The following CHKA variants were observed in gnomAD, a reference collection of about 807,000 sequenced individuals.
CHKA encodes the protein CHETK-alpha.
CHKA carries 34 observed loss-of-function variants against 60.1 expected under a neutral mutation model. The observed-to-expected ratio is 0.57, with a 90% CI of 0.43 to 0.75. The LOEUF (loss-of-function observed/expected upper bound fraction) is 0.75. Among genes scored for constraint, CHKA ranks in the 30% least tolerant of loss-of-function variants. The pLI, the probability that CHKA is intolerant of heterozygous loss-of-function variation, is 0.00. For missense variants in CHKA, 563 were observed against 561.3 expected (o/e 1.00, Z -0.03); for synonymous variants, 217 against 223.1 (o/e 0.97, Z 0.24).
intron 1 of CHKA, among the ~76,000 whole-genome samples, chr11:68,102,676 G>A (rs570835063): frequency 1.3e-5 from 2 of 151,946 alleles, no homozygotes; most frequent in South Asian, 4.2e-4. Flanking sequence ...CAAAAGCACA[G>A]GCAACACAAA....
chr11:68,071,607 A>G (rs1405405406), intron 4 of CHKA, among the ~76,000 whole-genome samples: 2 of 152,246 alleles, frequency 1.3e-5, no homozygotes, highest in African/African-American at 4.8e-5. Flanking sequence ...TTTCTGTGAA[A>G]ATGCAAAGAA....
chr11:68,106,033 C>T (rs573524715), intron 1 of CHKA, among the ~76,000 whole-genome samples: 3 of 152,020 alleles, frequency 2.0e-5, no homozygotes, highest in East Asian at 3.9e-4. Flanking sequence ...GAGAATACAG[C>T]GTAATATCAA....
intron 1 of CHKA, among the ~76,000 whole-genome samples, chr11:68,105,416 G>A (rs949850824): frequency 2.0e-5 from 3 of 148,702 alleles, no homozygotes; most frequent in South Asian, 2.1e-4. Context: ...TCAGGAGGCT[G>A]AGGCAAGAGA....
chr11:68,072,550 TAAA>T (rs10708078), intron 4 of CHKA, among the ~76,000 whole-genome samples: 52 of 112,700 alleles, frequency 4.6e-4, no homozygotes, highest in Admixed American at 5.7e-4. Context: ...GACCCTATCT[TAAA>T]AAAAAAAAAA....
chr11:68,088,209 C>T (rs1472594405), intron 2 of CHKA, among the ~76,000 whole-genome samples: 2 of 151,038 alleles, frequency 1.3e-5, no homozygotes, highest in Admixed American at 1.3e-4. Context: ...GAAAATAATC[C>T]ATCTTTCTAC....
chr11:68,116,344 C>T (rs1431602662), intron 1 of CHKA, among the ~76,000 whole-genome samples: 2 of 151,976 alleles, frequency 1.3e-5, no homozygotes, highest in East Asian at 3.9e-4. Context: ...CGGAGGCAGG[C>T]GGATCACCTG....
At chr11:68,102,198 T>C (rs988291076) in intron 1 of CHKA, among the ~76,000 whole-genome samples, 1 of 151,350 alleles carries the variant, frequency 6.6e-6, no homozygotes, top group Non-Finnish European at 1.5e-5. Context: ...TTCATAGAAA[T>C]AGGAAAACCA....
chr11:68,068,423 T>A (rs978565860), intron 7 of CHKA, among the ~76,000 whole-genome samples: 2 of 145,154 alleles, frequency 1.4e-5, no homozygotes, highest in African/African-American at 5.1e-5. Context: ...TCCATGTAAT[T>A]TTTTTTTTTT....
At chr11:68,102,104 A>G (rs1055361224) in intron 1 of CHKA, among the ~76,000 whole-genome samples, 6 of 117,496 alleles carry the variant, frequency 5.1e-5, no homozygotes, top group Admixed American at 3.2e-4. Flanking sequence ...TGTCTCAAAA[A>G]AAAAAAAAGA....
At chr11:68,093,205 G>A (rs1857406261) in intron 2 of CHKA, among the ~76,000 whole-genome samples, 1 of 152,024 alleles carries the variant, frequency 6.6e-6, no homozygotes, top group African/African-American at 2.4e-5. Flanking sequence ...TGGCCATGTT[G>A]CCCAGGCTGG....
At chr11:68,095,614 C>A (rs1242153109) in intron 2 of CHKA, among the ~76,000 whole-genome samples, 1 of 137,252 alleles carries the variant, frequency 7.3e-6, no homozygotes, top group African/African-American at 2.7e-5. Flanking sequence ...GAGGCTGAGG[C>A]AGGAGAATGG....
At chr11:68,056,869 A>T (rs1018311518) in intron 11 of CHKA, among the ~76,000 whole-genome samples, 1 of 152,196 alleles carries the variant, frequency 6.6e-6, no homozygotes, top group Non-Finnish European at 1.5e-5. Flanking sequence ...ATACACTGGT[A>T]AACTTACGTG....
intron 11 of CHKA, among the ~76,000 whole-genome samples, chr11:68,055,382 GACTCTGTCTCAAAAACAGACAA>G (rs1352637703): frequency 2.6e-5 from 4 of 152,212 alleles, no homozygotes; most frequent in East Asian, 3.9e-4. Context: ...AACAGAGTGA[GACTCTGTCTCAAAAACAGACAA>G]ACAAATGAAG....
intron 11 of CHKA, among the ~76,000 whole-genome samples, chr11:68,060,362 T>G (rs1590831653): frequency 6.7e-6 from 1 of 150,118 alleles, no homozygotes; most frequent in Non-Finnish European, 1.5e-5. Flanking sequence ...CAGGCTGGAG[T>G]GCAATGGCGC....
intron 9 of CHKA, among the ~76,000 whole-genome samples, chr11:68,065,238 ATAC>A (rs1009833177): frequency 3.3e-4 from 50 of 152,258 alleles, no homozygotes; most frequent in African/African-American, 8.9e-4. Context: ...TTTCAAAAAA[ATAC>A]TACAAGGAAC....
chr11:68,087,408 G>T (rs903546293), intron 2 of CHKA, among the ~76,000 whole-genome samples: 3 of 151,878 alleles, frequency 2.0e-5, no homozygotes, highest in Non-Finnish European at 4.4e-5. Context: ...CTTGAACCTG[G>T]GAGGCAGAGA....
At chr11:68,112,702 A>G (rs1312667823) in intron 1 of CHKA, among the ~76,000 whole-genome samples, 5 of 152,364 alleles carry the variant, frequency 3.3e-5, no homozygotes, top group African/African-American at 9.6e-5. Flanking sequence ...AATATTTGCA[A>G]AAGACACATT....
At chr11:68,056,916 T>C (rs925830937) in intron 11 of CHKA, among the ~76,000 whole-genome samples, 4 of 152,146 alleles carry the variant, frequency 2.6e-5, no homozygotes, top group Admixed American at 6.5e-5. Flanking sequence ...AGCAAATTAA[T>C]TGAACCCGAG....
At chr11:68,059,510 G>A (rs1856144745) in intron 11 of CHKA, among the ~76,000 whole-genome samples, 1 of 151,938 alleles carries the variant, frequency 6.6e-6, no homozygotes, top group Admixed American at 6.6e-5. Flanking sequence ...TTCTTCTTAT[G>A]GAATATAAAC....
Sources: gnomAD v4.1 joint callset for allele counts (sites outside exome capture counted in the v4.1 genomes callset) on GRCh38, gnomAD v4.1.1 for gene constraint, MANE v1.5 for transcripts, NCBI Gene and HGNC (gene_info 2026-07-23, HGNC 2026-07-21) for gene names.